The following PCDHGA11 variants were observed in gnomAD, a reference collection of about 807,000 sequenced individuals.
PCDHGA11 encodes protocadherin gamma subfamily A, 11, also known as protocadherin gamma-A11.
A neutral mutation model predicts 60.4 loss-of-function variants in PCDHGA11; 39 were observed. That is an observed-to-expected ratio of 0.65 (90% CI 0.50 to 0.84). The LOEUF (loss-of-function observed/expected upper bound fraction) is 0.84, where lower values mean the gene tolerates loss of function less well. PCDHGA11 is among the 40% of genes least tolerant of loss of function. The pLI is 0.00. For synonymous variants in PCDHGA11, 533 were observed against 510.3 expected (o/e 1.04, Z -0.60); for missense variants, 1,165 against 1,197.7 (o/e 0.97, Z 0.40).
intron 1 of PCDHGA11, among the ~76,000 whole-genome samples, chr5:141,473,661 G>T (rs935648567): frequency 2.6e-5 from 4 of 152,172 alleles, no homozygotes; most frequent in Non-Finnish European, 4.4e-5. Context: ...TTGTGTGAAG[G>T]CCCTGAGACA....
intron 3 of PCDHGA11, among the ~76,000 whole-genome samples, chr5:141,507,891 C>A (rs1031803854): frequency 6.6e-6 from 1 of 152,208 alleles, no homozygotes; most frequent in African/African-American, 2.4e-5. Flanking sequence ...AGAGAGGTTC[C>A]TGAAGTCCAG....
chr5:141,489,594 T>A lies in PCDHGA11; in HGVS notation c.2434-5213T>A. The A allele has an allele frequency of 2.5e-6, 4 of 1,614,076 alleles. No homozygotes were observed. Among genetic ancestry groups the A allele is most frequent in the Non-Finnish European group, 3.4e-6 (4 of 1,179,982 alleles). ...CTGAACACCCCCTGGAGCTAATCCG[T>A]GTAGAGGTAGAGATCCTGGATCTCA... On this transcript the variant is annotated intron_variant, in intron 1 of 3. Coordinates refer to ENST00000398587, the MANE Select transcript of PCDHGA11 (RefSeq NM_018914.3). This position sits in a 1 kb window ranked among gnomAD's most constrained non-coding sequence, Gnocchi z 4.5.
chr5:141,495,545 A>G (rs1174346915), intron 2 of PCDHGA11, among the ~76,000 whole-genome samples: 3 of 151,824 alleles, frequency 2.0e-5, no homozygotes, highest in Non-Finnish European at 4.4e-5. Flanking sequence ...CTCAGTCTCT[A>G]TCTCGCTTTG....
chr5:141,427,764 T>C (rs1239199764), intron 1 of PCDHGA11: 4 of 1,383,480 alleles, frequency 2.9e-6, no homozygotes, highest in Non-Finnish European at 4.1e-6. Context: ...TACCACTGAC[T>C]TGGAGCTGCG....
At chr5:141,427,422 G>C (rs922637577) in intron 1 of PCDHGA11, 1 of 468,292 alleles carries the variant, frequency 2.1e-6, no homozygotes, top group Non-Finnish European at 4.3e-6. Context: ...AAATGGGGAG[G>C]TTACATGCCT....
In PCDHGA11 at chr5:141,421,251, G is replaced by C. The variant is rs771398829; in HGVS notation, c.24G>C (p.Gly8=). Residue 8 remains glycine, a synonymous_variant, in exon 1 of 4, where the codon GGG becomes GGC. Transcript: ENST00000398587. MANRLQR[G]DRSRLLLLLC... is the part of the protein sequence containing the mutation. The stretch of plus-strand genomic sequence containing the variant: ...CCATGGCGAATCGGCTACAGCGCGG[G>C]GACCGCAGTCGGCTGCTGCTGCTGC... The C allele has an allele frequency of 6.2e-7, 1 of 1,606,888 alleles. No homozygotes were observed. Among genetic ancestry groups the C allele is most frequent in the Non-Finnish European group, 8.5e-7 (1 of 1,177,556 alleles).
intron 3 of PCDHGA11, among the ~76,000 whole-genome samples, chr5:141,509,056 G>A (rs1303823294): frequency 1.3e-5 from 2 of 152,178 alleles, no homozygotes; most frequent in Admixed American, 6.5e-5. Context: ...CCCCCAGAAA[G>A]CTCTCAGCTC....
intron 2 of PCDHGA11, among the ~76,000 whole-genome samples, chr5:141,500,775 T>C (rs1251282826): frequency 6.6e-6 from 1 of 152,218 alleles, no homozygotes; most frequent in Non-Finnish European, 1.5e-5. Context: ...CTTATGAATA[T>C]ACATATTATT....
intron 1 of PCDHGA11, among the ~76,000 whole-genome samples, chr5:141,425,114 T>A (rs537694464): frequency 5.9e-5 from 9 of 152,326 alleles, no homozygotes; most frequent in African/African-American, 2.2e-4. Context: ...TGCCTACATT[T>A]TTCTTGAAGT....
intron 1 of PCDHGA11, among the ~76,000 whole-genome samples, chr5:141,462,264 G>A (rs966953621): frequency 1.3e-5 from 2 of 152,174 alleles, no homozygotes; most frequent in African/African-American, 4.8e-5. Context: ...CCAGCCTAAA[G>A]TGTATTGTTT....
chr5:141,430,595 G>A (rs549786394), intron 1 of PCDHGA11: 28 of 567,134 alleles, frequency 4.9e-5, no homozygotes, highest in African/African-American at 3.8e-4. Flanking sequence ...CCTTGCACGC[G>A]CCTGAAGCAC....
intron 1 of PCDHGA11, among the ~76,000 whole-genome samples, chr5:141,436,521 C>T (rs2097829891): frequency 6.6e-6 from 1 of 152,086 alleles, no homozygotes; most frequent in African/African-American, 2.4e-5. Flanking sequence ...AACTGTGTCA[C>T]CTTTAGCAAG....
At position 141,446,758 on chromosome 5, in the gene PCDHGA11, C is replaced by T. The variant is rs776925316; in HGVS notation, c.2433+23098C>T. Among the ~76,000 whole-genome samples, 10 of 152,208 alleles carry T rather than the reference C, an allele frequency of 6.6e-5. 1 individual carries two copies. Among genetic ancestry groups the T allele is most frequent in the African/African-American group, 9.7e-5 (4 of 41,448 alleles). On this transcript the variant is annotated intron_variant, in intron 1 of 3. Transcript: ENST00000398587. ...TGGGGATTACAGGCGTGAGCCACCG[C>T]GCCCAGCCGGTTACCATTCTTTTAC...
intron 1 of PCDHGA11, among the ~76,000 whole-genome samples, chr5:141,449,762 G>T (rs909809198): frequency 6.6e-6 from 1 of 151,458 alleles, no homozygotes; most frequent in Non-Finnish European, 1.5e-5. Context: ...ACATTTGAGA[G>T]TAAGTTGTAG....
chr5:141,483,350 G>C (rs2099580423), intron 1 of PCDHGA11, among the ~76,000 whole-genome samples: 4 of 152,172 alleles, frequency 2.6e-5, no homozygotes, highest in Admixed American at 1.3e-4. Flanking sequence ...CTTTGCAATA[G>C]TTTGAAAGCT....
intron 1 of PCDHGA11, among the ~76,000 whole-genome samples, chr5:141,492,760 C>T (rs991820569): frequency 1.3e-5 from 2 of 152,212 alleles, no homozygotes; most frequent in Admixed American, 1.3e-4. Context: ...CAGGGCTCCG[C>T]GTTGGGCGAG....
Position 141,476,373 on chromosome 5 carries a change from T to C in PCDHGA11, c.2434-18434T>C. 1 of 1,614,054 alleles carries C rather than the reference T, an allele frequency of 6.2e-7. No individual in the cohort carries two copies. Among genetic ancestry groups the C allele is most frequent in the Non-Finnish European group, 8.5e-7 (1 of 1,180,020 alleles). On this transcript the variant is annotated intron_variant, in intron 1 of 3. Transcript: ENST00000398587. This position sits in a 1 kb window ranked among gnomAD's most constrained non-coding sequence, Gnocchi z 7.6. ...GAGGTGAACCGGGAGACCGGAGAGA[T>C]GTTTGTGAACGACCGTCTGGATCGA...
intron 1 of PCDHGA11, among the ~76,000 whole-genome samples, chr5:141,454,932 C>T (rs945154196): frequency 1.3e-5 from 2 of 150,768 alleles, no homozygotes; most frequent in African/African-American, 2.4e-5. Context: ...CTCAGCCTCC[C>T]GAGTAGCTGG....
At chr5:141,465,241 G>C (rs2099099198) in intron 1 of PCDHGA11, among the ~76,000 whole-genome samples, 1 of 151,964 alleles carries the variant, frequency 6.6e-6, no homozygotes, top group South Asian at 2.1e-4. Flanking sequence ...CAAGTTCAAG[G>C]CACTTTTGTA....
Sources: gnomAD v4.1 joint callset for allele counts (sites outside exome capture counted in the v4.1 genomes callset) on GRCh38, gnomAD v4.1.1 for gene constraint, Gnocchi (gnomAD v3.1) non-coding constraint, MANE v1.5 for transcripts, NCBI Gene and HGNC (gene_info 2026-07-23, HGNC 2026-07-21) for gene names.